The following FAT3 variants were observed in gnomAD, a reference collection of about 807,000 sequenced individuals.
The protein encoded by FAT3 is FAT atypical cadherin 3.
FAT3 carries 95 observed loss-of-function variants against 310.2 expected under a neutral mutation model. The observed-to-expected ratio is 0.31, with a 90% CI of 0.26 to 0.36. The LOEUF (loss-of-function observed/expected upper bound fraction) is 0.36. FAT3 is among the 10% of genes least tolerant of loss of function. FAT3 has a pLI of 1.00. For missense variants in FAT3, 5,408 were observed against 5,715.6 expected (o/e 0.95, Z 1.74); for synonymous variants, 2,314 against 2,192.9 (o/e 1.06, Z -1.54).
At chr11:92,361,384 C>T (rs1948877877) in intron 2 of FAT3, among the ~76,000 whole-genome samples, 1 of 151,636 alleles carries the variant, frequency 6.6e-6, no homozygotes, top group South Asian at 2.1e-4. Context: ...CCTCATAGCT[C>T]ATGTTAGAAC....
chr11:92,668,833 T>G (rs1943039131), intron 3 of FAT3, among the ~76,000 whole-genome samples: 1 of 152,220 alleles, frequency 6.6e-6, no homozygotes, highest in South Asian at 2.1e-4. Context: ...AGCTTTAATA[T>G]TCTGTGGTGC....
chr11:92,675,775 CA>C (rs1223908776), intron 3 of FAT3, among the ~76,000 whole-genome samples: 1 of 152,126 alleles, frequency 6.6e-6, no homozygotes, highest in Non-Finnish European at 1.5e-5. Context: ...CGCTAAGAAC[CA>C]TTCGGAGAAA....
At chr11:92,511,505 T>G (rs531746071) in intron 2 of FAT3, among the ~76,000 whole-genome samples, 1 of 152,180 alleles carries the variant, frequency 6.6e-6, no homozygotes, top group African/African-American at 2.4e-5. Flanking sequence ...CACATTTTTA[T>G]AGTGTTCCAA....
At chr11:92,724,616 GTAAACT>G (rs1224608295) in intron 4 of FAT3, among the ~76,000 whole-genome samples, 1 of 152,150 alleles carries the variant, frequency 6.6e-6, no homozygotes, top group Non-Finnish European at 1.5e-5. Context: ...TTCCGTTTAA[GTAAACT>G]AAGTCTCATT....
chr11:92,781,320 T>G (rs886482403), intron 7 of FAT3, among the ~76,000 whole-genome samples: 3 of 151,934 alleles, frequency 2.0e-5, no homozygotes, highest in Admixed American at 2.0e-4. Flanking sequence ...TGATCTCAAG[T>G]GATCCACCCG....
intron 3 of FAT3, among the ~76,000 whole-genome samples, chr11:92,611,930 C>CT (rs201038585): frequency 9.1e-4 from 139 of 152,214 alleles, no homozygotes; most frequent in African/African-American, 2.7e-3. Context: ...GTTTCTTAAC[C>CT]TTTTTGTGCT....
chr11:92,258,404 C>A (rs1371242299), intron 1 of FAT3, among the ~76,000 whole-genome samples: 1 of 152,036 alleles, frequency 6.6e-6, no homozygotes, highest in Non-Finnish European at 1.5e-5. Flanking sequence ...AAGGGGTCTG[C>A]CTTGAGGGAT....
intron 1 of FAT3, among the ~76,000 whole-genome samples, chr11:92,251,081 A>G (rs1865118274): frequency 6.6e-6 from 1 of 152,136 alleles, no homozygotes; most frequent in South Asian, 2.1e-4. Context: ...AGATTCAGAA[A>G]AGTTCCCTTT....
intron 3 of FAT3, among the ~76,000 whole-genome samples, chr11:92,662,381 G>A (rs1942816142): frequency 6.6e-6 from 1 of 152,086 alleles, no homozygotes. Flanking sequence ...CCTCTTCTTT[G>A]AGGTCCACTT....
intron 3 of FAT3, among the ~76,000 whole-genome samples, chr11:92,666,183 A>G (rs926045594): frequency 1.3e-5 from 2 of 152,222 alleles, no homozygotes; most frequent in African/African-American, 4.8e-5. Context: ...CAGTTATAAA[A>G]GTAGTAAAAG....
chr11:92,868,648 A>C (rs1362369573), intron 22 of FAT3, among the ~76,000 whole-genome samples: 1 of 152,206 alleles, frequency 6.6e-6, no homozygotes, highest in East Asian at 1.9e-4. Flanking sequence ...CACAAATTGT[A>C]ACATACTTTT....
chr11:92,837,100 A>T (rs2136274815), intron 16 of FAT3, among the ~76,000 whole-genome samples: 1 of 152,258 alleles, frequency 6.6e-6, no homozygotes, highest in East Asian at 1.9e-4. Context: ...AGTCCAAAAA[A>T]TTTCTCTGTC....
At chr11:92,342,050 T>G (rs950631302) in intron 1 of FAT3, among the ~76,000 whole-genome samples, 1 of 152,206 alleles carries the variant, frequency 6.6e-6, no homozygotes, top group Non-Finnish European at 1.5e-5. Flanking sequence ...TTTAGCCAAA[T>G]AGACAAGCAC....
At chr11:92,610,518 T>A (rs543527953) in intron 3 of FAT3, among the ~76,000 whole-genome samples, 1 of 152,312 alleles carries the variant, frequency 6.6e-6, no homozygotes, top group South Asian at 2.1e-4. Context: ...ACTTCCTTTT[T>A]TAGACTTTCA....
At chr11:92,525,854 G>A (rs1042688107) in intron 3 of FAT3, among the ~76,000 whole-genome samples, 5 of 152,054 alleles carry the variant, frequency 3.3e-5, no homozygotes, top group Non-Finnish European at 7.4e-5. Flanking sequence ...GTTGATGGTC[G>A]TTTCTCCTGC....
chr11:92,485,383 C>T (rs192263906), intron 2 of FAT3, among the ~76,000 whole-genome samples: 7 of 152,246 alleles, frequency 4.6e-5, no homozygotes, highest in Admixed American at 1.3e-4. Flanking sequence ...GTGCCCCAAG[C>T]GCCCTGAACA....
rs193249114 is a variant in FAT3 at position 92,357,345 on chromosome 11, A to G, written c.3292+1941A>G. Among the ~76,000 whole-genome samples, 7 of 152,286 alleles carry G rather than the reference A, an allele frequency of 4.6e-5. No homozygotes were observed. The East Asian group carries it at 1.4e-3, about 29-fold the overall frequency. On this transcript the variant is annotated intron_variant, in intron 2 of 27. Coordinates refer to ENST00000525166, the MANE Select transcript of FAT3 (RefSeq NM_001367949.2). ...CTATTTTCAAACTTAGCTTTGTGTA[A>G]CTGCAGTATACCTTGCTCTCACACA...
Position 92,883,303 on chromosome 11 carries a change from T to G in FAT3, c.12847T>G (p.Cys4283Gly), listed in dbSNP as rs2136417542. ...GACAGCCCGGCGGGGCGTGGTCGTGTGCAGTGTGGCCCCCAACCTCCCCGC... is the reference window on the plus strand; with the variant it reads ...GACAGCCCGGCGGGGCGTGGTCGTGGGCAGTGTGGCCCCCAACCTCCCCGC... ...ILTARRGVVV[C>G]SVAPNLPAVS... Residue 4283 changes from cysteine to glycine, a missense_variant, in exon 24 of 28, where the codon TGC (cysteine) becomes GGC (glycine). This residue lies in a region of FAT3 where 649 missense variants were observed against 666.2 expected (regional missense o/e 0.97). Transcript: ENST00000525166. The surrounding 1 kb of genome is among the most constrained non-coding windows in gnomAD (Gnocchi z 4.2). 1.2e-6 allele frequency: 2 copies of G among 1,612,406 alleles called. No homozygotes were observed. Among genetic ancestry groups the G allele is most frequent in the Non-Finnish European group, 1.7e-6 (2 of 1,179,794 alleles).
At chr11:92,890,359 A>G (rs1565683621) in intron 27 of FAT3, 132 bp from the exon 28 acceptor site, 2 of 1,101,278 alleles carry the variant, frequency 1.8e-6, no homozygotes, top group East Asian at 5.2e-5. Context: ...GGCCCCATAG[A>G]CCCTTGTAAT....
Sources: gnomAD v4.1 joint callset for allele counts (sites outside exome capture counted in the v4.1 genomes callset) on GRCh38, gnomAD v4.1.1 for gene constraint, gnomAD v4.1.1 regional missense constraint, Gnocchi (gnomAD v3.1) non-coding constraint, MANE v1.5 for transcripts, NCBI Gene and HGNC (gene_info 2026-07-23, HGNC 2026-07-21) for gene names.